The following MLXIP variants were observed in gnomAD, a reference collection of about 807,000 sequenced individuals.
MLXIP encodes MLX-interacting protein.
A neutral mutation model predicts 87.2 loss-of-function variants in MLXIP; 30 were observed. The ratio of observed to expected loss-of-function variants is 0.34; its 90% CI spans 0.26 to 0.47. The LOEUF (loss-of-function observed/expected upper bound fraction) is 0.47, where lower values mean the gene tolerates loss of function less well. Ranked by LOEUF, MLXIP falls within the 20% of genes least tolerant of loss-of-function variation. The probability of loss-of-function intolerance (pLI) is 1.00; values close to 1 mark genes in which losing one functional copy is unlikely to be tolerated. For missense variants in MLXIP, 1,002 were observed against 1,240.1 expected, an observed-to-expected ratio of 0.81 and a Z score of 2.88; for synonymous variants, 530 against 514.0, an observed-to-expected ratio of 1.03 and a Z score of -0.42.
intron 6 of MLXIP, among the ~76,000 whole-genome samples, chr12:122,130,443 G>A (rs539846842): frequency 2.0e-5 from 3 of 151,684 alleles, no homozygotes; most frequent in Admixed American, 1.3e-4. Flanking sequence ...AAGCCGAGGC[G>A]GCCGGGCCGT....
In MLXIP at chr12:122,135,530, A is replaced by G. The variant is rs1408654770; in HGVS notation, c.1896A>G (p.Thr632=). 1.9e-6 allele frequency: 3 copies of G among 1,607,372 alleles called. No homozygotes were observed. Among genetic ancestry groups the G allele is most frequent in the Non-Finnish European group, 1.7e-6 (2 of 1,177,588 alleles). The stretch of plus-strand genomic sequence containing the variant: ...AGTTCCACAGCAGCATCCTGGTGAC[A>G]GATCTCGGCCATGGCACGAGCAGCC... ...VPEFHSSILV[T]DLGHGTSSPP... is the part of the protein sequence containing the mutation. The change falls in exon 11 of 17, where the codon ACA becomes ACG. Residue 632 remains threonine, a synonymous_variant. Coordinates refer to ENST00000319080, the MANE Select transcript of MLXIP (RefSeq NM_014938.6). This position sits in a 1 kb window ranked among gnomAD's most constrained non-coding sequence, Gnocchi z 5.3.
chr12:122,113,404 A>C (rs1313862556), intron 1 of MLXIP, among the ~76,000 whole-genome samples: 1 of 152,030 alleles, frequency 6.6e-6, no homozygotes, highest in Admixed American at 6.6e-5. Context: ...AGTAGCTGGG[A>C]CTACAGGCAT....
intron 12 of MLXIP, 106 bp from the exon 13 acceptor site, chr12:122,138,088 C>T (rs1953126447): frequency 1.1e-6 from 1 of 952,202 alleles, no homozygotes; most frequent in Non-Finnish European, 1.6e-6. Context: ...CCACGTAGCT[C>T]TCTAGCCCTG....
In MLXIP at chr12:122,101,988, C is replaced by A. The variant is rs1952445646; in HGVS notation, c.413+22722C>A. 2.0e-5 allele frequency among the ~76,000 whole-genome samples: 3 copies of A among 152,112 alleles called. No homozygotes were observed. In the South Asian group the frequency reaches 6.2e-4, roughly 31 times the overall value. ...AAGGGTTGTGATTCAGTTAAATAGT[C>A]CTTTGATGACTATCCTTGTTTATAG... On this transcript the variant is annotated intron_variant, in intron 1 of 16. Coordinates refer to ENST00000319080, the MANE Select transcript of MLXIP (RefSeq NM_014938.6).
intron 1 of MLXIP, among the ~76,000 whole-genome samples, chr12:122,122,301 G>A (rs1199321195): frequency 1.3e-5 from 2 of 152,132 alleles, no homozygotes; most frequent in African/African-American, 2.4e-5. Context: ...GCTTTCTGGC[G>A]GTGCTTCCCT....
chr12:122,138,852 G>C lies in MLXIP; in HGVS notation c.2422G>C (p.Val808Leu). ...QQLLPATGVPVTRRQFDHMKD... is the reference protein window; with the variant it reads ...QQLLPATGVPLTRRQFDHMKD... ...GCTGCTCCCTGCCACGGGAGTCCCC[G>C]TTACCCGGCGCCAGTTTGATCACAT... is the stretch of plus-strand genomic sequence containing the variant. Residue 808 changes from valine to leucine, a missense_variant, in exon 15 of 17, where the codon GTT becomes CTT. Physicochemically the swap from Val to Leu is conservative, Grantham distance 32. Around this residue, in one of 3 missense-constraint regions of MLXIP, gnomAD observed 746 missense variants for 897.0 expected, o/e 0.83. Coordinates refer to ENST00000319080, the MANE Select transcript of MLXIP (RefSeq NM_014938.6). 1 of 1,613,992 alleles carries C rather than the reference G, an allele frequency of 6.2e-7. No individual in the cohort carries two copies. Among genetic ancestry groups the C allele is most frequent in the Non-Finnish European group, 8.5e-7 (1 of 1,179,884 alleles).
At chr12:122,110,913 T>G in intron 1 of MLXIP, among the ~76,000 whole-genome samples, 1 of 151,634 alleles carries the variant, frequency 6.6e-6, no homozygotes. Flanking sequence ...CCGTCTCTAC[T>G]AAAAATACAA....
chr12:122,089,005 T>C (rs1952208506), intron 1 of MLXIP, among the ~76,000 whole-genome samples: 1 of 115,374 alleles, frequency 8.7e-6, no homozygotes, highest in South Asian at 3.0e-4. Context: ...GACCCCCATC[T>C]CTACAAAAAA....
intron 1 of MLXIP, among the ~76,000 whole-genome samples, chr12:122,100,888 A>C (rs1467917291): frequency 6.6e-6 from 1 of 151,978 alleles, no homozygotes; most frequent in Non-Finnish European, 1.5e-5. Flanking sequence ...ATACATACAG[A>C]CTCCTTTTAC....
rs1952050887 is a variant in MLXIP, at chr12:122,078,955, C to A, written c.102C>A (p.Asp34Glu). The A allele has an allele frequency of 6.3e-6, 7 of 1,105,238 alleles. No homozygotes were observed. Among genetic ancestry groups the A allele is most frequent in the Non-Finnish European group, 7.8e-6 (7 of 901,772 alleles). The allele number at this position is 1,105,238 out of a possible 1,614,324, so 68.5% of individuals were successfully genotyped here. The change falls in exon 1 of 17, where the codon GAC (aspartate) becomes GAA (glutamate). Residue 34 changes from aspartate to glutamate, a missense_variant. Physicochemically the swap from Asp to Glu is conservative, Grantham distance 45 (BLOSUM62 2). Around this residue, in one of 3 missense-constraint regions of MLXIP, gnomAD observed 129 missense variants for 104.2 expected, o/e 1.24. Transcript: ENST00000319080. ...TGTCCGAGGACGACGACGACTCGGACACGGATGAGCCGTCCCCGCCGCCCG... is the reference window on the plus strand; with the variant it reads ...TGTCCGAGGACGACGACGACTCGGAAACGGATGAGCCGTCCCCGCCGCCCG... ...PQVSEDDDDS[D>E]TDEPSPPPAS...
chr12:122,128,051 T>C (rs7484733), intron 3 of MLXIP, 83 bp downstream of exon 3: 586,513 of 1,208,260 alleles, frequency 0.49, 144,242 homozygotes, highest in African/African-American at 0.61. Flanking sequence ...GCTGGTCCTG[T>C]AGGAGAGGCT....
chr12:122,107,835 C>G (rs1193669659), intron 1 of MLXIP, among the ~76,000 whole-genome samples: 1 of 152,066 alleles, frequency 6.6e-6, no homozygotes, highest in African/African-American at 2.4e-5. Context: ...TCCCCCAGCT[C>G]TCCTGTGACC....
chr12:122,095,792 T>C (rs1273190956), intron 1 of MLXIP, among the ~76,000 whole-genome samples: 1 of 151,978 alleles, frequency 6.6e-6, no homozygotes, highest in African/African-American at 2.4e-5. Flanking sequence ...CTCTAGTGTT[T>C]ATCCTTATAG....
At chr12:122,130,170 C>G (rs936347747) in intron 6 of MLXIP, 58 bp downstream of exon 6, 1 of 1,534,800 alleles carries the variant, frequency 6.5e-7, no homozygotes, top group African/African-American at 1.4e-5. Context: ...CTCTGCCAGG[C>G]CCCCTCTGGG....
At chr12:122,082,155 G>A (rs1952100510) in intron 1 of MLXIP, among the ~76,000 whole-genome samples, 1 of 152,208 alleles carries the variant, frequency 6.6e-6, no homozygotes, top group Non-Finnish European at 1.5e-5. Flanking sequence ...GTGGAACAGG[G>A]TGTTTGAGGA....
At chr12:122,094,369 A>G (rs1368898704) in intron 1 of MLXIP, among the ~76,000 whole-genome samples, 1 of 86,938 alleles carries the variant, frequency 1.2e-5, no homozygotes, top group African/African-American at 4.7e-5. Flanking sequence ...CGGTGGGTGT[A>G]TGTTTGCAGT....
chr12:122,141,707 G>T lies in MLXIP; in HGVS notation c.2655G>T (p.Leu885=). The stretch of plus-strand genomic sequence containing the variant: ...GTCTTGCAGTGGTATTGAGCACGCT[G>T]CGGCAGCTGAGCACCTCCACCTCCA... ...PILRPMVLST[L]RQLSTSTSIL... is the part of the protein sequence containing the mutation. The change falls in exon 17 of 17, where the codon CTG becomes CTT. Residue 885 remains leucine (L), a synonymous_variant. Coordinates refer to ENST00000319080, the MANE Select transcript of MLXIP (RefSeq NM_014938.6). 2 of 1,613,862 alleles carry T rather than the reference G, an allele frequency of 1.2e-6. No homozygotes were observed.
intron 1 of MLXIP, among the ~76,000 whole-genome samples, chr12:122,102,616 A>C (rs1358863802): frequency 6.6e-6 from 1 of 152,254 alleles, no homozygotes; most frequent in East Asian, 1.9e-4. Context: ...ACAGATGTTC[A>C]CAGAAGTATT....
At chr12:122,104,865 CCA>C (rs1952496435) in intron 1 of MLXIP, among the ~76,000 whole-genome samples, 1 of 152,130 alleles carries the variant, frequency 6.6e-6, no homozygotes, top group Non-Finnish European at 1.5e-5. Context: ...CAGGCATGAG[CCA>C]CCACACCCGG....
Sources: allele counts gnomAD v4.1 joint callset (sites outside exome capture counted in the v4.1 genomes callset), GRCh38; gene constraint gnomAD v4.1.1; regional missense constraint gnomAD v4.1.1; non-coding constraint Gnocchi (gnomAD v3.1); transcripts MANE v1.5; gene names NCBI Gene and HGNC (gene_info 2026-07-23, HGNC 2026-07-21).